Variants in ZNF318 observed in about 807,000 individuals in gnomAD.
The protein encoded by ZNF318 is endocrine regulator.
A neutral mutation model predicts 124.2 loss-of-function variants in ZNF318; 51 were observed. That is an observed-to-expected ratio of 0.41 (90% CI 0.33 to 0.52). The LOEUF (loss-of-function observed/expected upper bound fraction) is 0.52. Among genes scored for constraint, ZNF318 ranks in the 20% least tolerant of loss-of-function variants. The pLI, the probability that ZNF318 is intolerant of heterozygous loss-of-function variation, is 0.23. For synonymous variants in ZNF318, 1,090 were observed against 1,040.7 expected, an observed-to-expected ratio of 1.05 and a Z score of -0.91; for missense variants, 2,815 against 2,811.2, an observed-to-expected ratio of 1.00 and a Z score of -0.03.
In ZNF318 at chr6:43,365,317, C is replaced by A. The variant is rs941267370; in HGVS notation, c.523G>T (p.Val175Leu). 6.2e-7 allele frequency: 1 copy of A among 1,614,038 alleles called. No individual in the cohort carries two copies. The highest frequency in any genetic ancestry group is 1.7e-5 in the Admixed American group (1 of 60,008). ...CTGTCCATGTCTTCCAGATTATCCACTGGTGACCCCAGCCGATCACTAAGC... is the reference window on the plus strand; with the variant it reads ...CTGTCCATGTCTTCCAGATTATCCAATGGTGACCCCAGCCGATCACTAAGC... The part of the protein sequence containing the change: ...RRLSDRLGSP[V>L]DNLEDMDRDD... The change falls in exon 2 of 10, where the codon GTG becomes TTG. Residue 175 changes from valine (V) to leucine (L), a missense_variant. Around this residue, in one of 4 missense-constraint regions of ZNF318, gnomAD observed 1,377 missense variants for 1,353.5 expected, o/e 1.02. Coordinates refer to ENST00000361428, the MANE Select transcript of ZNF318 (RefSeq NM_014345.3).
Position 43,338,744 on chromosome 6 carries a change from T to G in ZNF318, c.5254A>C (p.Arg1752=). 3 of 1,614,202 alleles carry G rather than the reference T, an allele frequency of 1.9e-6. No individual in the cohort carries two copies. In the South Asian group the frequency reaches 3.3e-5, roughly 18 times the overall value. Residue 1752 remains arginine (R), a synonymous_variant, in exon 10 of 10, where the codon AGA becomes CGA. Transcript: ENST00000361428. ...TCCTTATCCTGGTTAACAGATTCTCTGAGGTGGATTTCTACCAACTTCTGA... is the reference window on the plus strand; with the variant it reads ...TCCTTATCCTGGTTAACAGATTCTCGGAGGTGGATTTCTACCAACTTCTGA... The part of the protein sequence containing the change: ...ESQKLVEIHL[R]ESVNQDKESQ...
At position 43,352,410 on chromosome 6, in the gene ZNF318, T is replaced by C; in HGVS notation, c.2737A>G (p.Arg913Gly). Residue 913 changes from arginine to glycine, a missense_variant, in exon 5 of 10, where the codon AGG becomes GGG. Transcript: ENST00000361428. ...TTATGAAGCCGCTCTAACTCGGTCCTAAGATAGTACATCTTCTTCTGGCGG... is the reference window on the plus strand; with the variant it reads ...TTATGAAGCCGCTCTAACTCGGTCCCAAGATAGTACATCTTCTTCTGGCGG... The part of the protein sequence containing the change: ...EARQKKMYYL[R>G]TELERLHKQQ... The C allele has an allele frequency of 6.2e-7, 1 of 1,614,188 alleles. No homozygotes were observed. The highest frequency in any genetic ancestry group is 1.1e-5 in the South Asian group (1 of 91,082).
intron 1 of ZNF318, 184 bp downstream of exon 1, chr6:43,368,783 G>C: frequency 2.0e-6 from 2 of 985,324 alleles, no homozygotes; most frequent in Non-Finnish European, 2.4e-6. Flanking sequence ...GCGCTCCCGA[G>C]TCCGTTATTG....
intron 5 of ZNF318, among the ~76,000 whole-genome samples, chr6:43,351,746 G>A (rs1420677260): frequency 6.6e-6 from 1 of 151,064 alleles, no homozygotes; most frequent in Non-Finnish European, 1.5e-5. Context: ...GGGCAACAGA[G>A]CGAGGCTCCA....
intron 2 of ZNF318, among the ~76,000 whole-genome samples, chr6:43,359,415 A>G (rs1779652214): frequency 6.6e-6 from 1 of 152,216 alleles, no homozygotes; most frequent in African/African-American, 2.4e-5. Flanking sequence ...ATGACACAAA[A>G]CTAAAGTTTC....
rs750553127 is a variant in ZNF318 at position 43,357,123 on chromosome 6, G to A, written c.1188+3C>T. 1 of 1,606,210 alleles carries A rather than the reference G, an allele frequency of 6.2e-7. No individual in the cohort carries two copies. Among genetic ancestry groups the A allele is most frequent in the South Asian group, 1.1e-5 (1 of 89,644 alleles). On this transcript the variant is annotated splice_donor_region_variant and intron_variant, in intron 3 of 9. Coordinates refer to ENST00000361428, the MANE Select transcript of ZNF318 (RefSeq NM_014345.3). ...GAGGCCCTACAAGAAATGCAGCAGA[G>A]ACCTGCATGGAGGGCTCCATTATGT...
chr6:43,340,118 T>C lies in ZNF318; in HGVS notation c.3880A>G (p.Ser1294Gly), dbSNP rs375242821. ...EEEKSSLVTP[S>G]ISKEEILESS... ...TCTAGAATCTCTTCTTTAGAGATAC[T>C]TGGGGTCACCAATGAACTTTTCTCC... The change falls in exon 10 of 10, where the codon AGT becomes GGT. Residue 1294 changes from serine to glycine, a missense_variant. Transcript: ENST00000361428. 18 of 1,614,224 alleles carry C rather than the reference T, an allele frequency of 1.1e-5. No individual in the cohort carries two copies. Among genetic ancestry groups the C allele is most frequent in the Admixed American group, 1.7e-5 (1 of 60,028 alleles).
At chr6:43,350,346 G>A (rs983993858) in intron 5 of ZNF318, among the ~76,000 whole-genome samples, 3 of 152,152 alleles carry the variant, frequency 2.0e-5, no homozygotes, top group Non-Finnish European at 4.4e-5. Context: ...GGTCCCATTG[G>A]CCAAATTTGG....
intron 2 of ZNF318, among the ~76,000 whole-genome samples, chr6:43,362,222 G>T (rs1779688815): frequency 6.6e-6 from 1 of 152,098 alleles, no homozygotes; most frequent in Admixed American, 6.5e-5. Flanking sequence ...AGCACTTTGG[G>T]AGGCCAAGGT....
chr6:43,339,497 G>A lies in ZNF318; in HGVS notation c.4501C>T (p.Pro1501Ser), dbSNP rs1779339426. The A allele has an allele frequency of 1.2e-6, 2 of 1,614,006 alleles. No individual in the cohort carries two copies. Among genetic ancestry groups the A allele is most frequent in the Non-Finnish European group, 8.5e-7 (1 of 1,180,040 alleles). The change falls in exon 10 of 10, where the codon CCT becomes TCT. Residue 1501 changes from proline to serine, a missense_variant. Physicochemically the swap from Pro to Ser is moderately conservative, Grantham distance 74. Coordinates refer to ENST00000361428, the MANE Select transcript of ZNF318 (RefSeq NM_014345.3). This position sits in a 1 kb window ranked among gnomAD's most constrained non-coding sequence, Gnocchi z 4.2. Reference sequence around the variant, plus strand: ...TGTGCTGAGGCCATGATGGCTACAGGCAACACTGGGTTCAAAATGTTAGGA... The same window carrying A: ...TGTGCTGAGGCCATGATGGCTACAGACAACACTGGGTTCAAAATGTTAGGA... ...VGPNILNPVL[P>S]VAIMASAQPA...
At chr6:43,347,825 G>A (rs1779467052) in intron 6 of ZNF318, among the ~76,000 whole-genome samples, 1 of 152,186 alleles carries the variant, frequency 6.6e-6, no homozygotes, top group Non-Finnish European at 1.5e-5. Context: ...TTATGCAAGA[G>A]AGACAGCAAA....
intron 5 of ZNF318, 59 bp from the exon 6 acceptor site, chr6:43,348,684 A>G: frequency 6.4e-7 from 1 of 1,554,904 alleles, no homozygotes; most frequent in Non-Finnish European, 8.7e-7. Context: ...GTCATTTCTC[A>G]TTTACAAGCA....
Position 43,339,862 on chromosome 6 carries a change from A to C in ZNF318, c.4136T>G (p.Ile1379Ser). ...TTTAGCAGTGGTTCCAGAGGACTTA[A>C]TAGACAGAAAGGTGTTAAGAGGAGC... ...KPAPLNTFLS[I>S]KSSGTTAKPL... Residue 1379 changes from isoleucine (I) to serine (S), a missense_variant, in exon 10 of 10, where the codon ATT (isoleucine) becomes AGT (serine). By Grantham distance (142) the Ile-to-Ser change is moderately radical. Around this residue, in one of 4 missense-constraint regions of ZNF318, gnomAD observed 500 missense variants for 605.2 expected, o/e 0.83. Coordinates refer to ENST00000361428, the MANE Select transcript of ZNF318 (RefSeq NM_014345.3). The surrounding 1 kb of genome is among the most constrained non-coding windows in gnomAD (Gnocchi z 4.2). 1 of 1,614,180 alleles carries C rather than the reference A, an allele frequency of 6.2e-7. No individual in the cohort carries two copies.
rs761292147 is a variant in ZNF318 at position 43,357,764 on chromosome 6, C to T, written c.550G>A (p.Asp184Asn). 6.3e-7 allele frequency: 1 copy of T among 1,581,378 alleles called. No individual in the cohort carries two copies. The highest frequency in any genetic ancestry group is 8.5e-7 in the Non-Finnish European group (1 of 1,172,754). Residue 184 changes from aspartate to asparagine, a missense_variant and splice_region_variant, in exon 3 of 10, where the codon GAT becomes AAT. Physicochemically the swap from Asp to Asn is conservative, Grantham distance 23. Coordinates refer to ENST00000361428, the MANE Select transcript of ZNF318 (RefSeq NM_014345.3). ...PVDNLEDMDRDDLTDDSVFTR... is the reference protein window; with the variant it reads ...PVDNLEDMDRNDLTDDSVFTR... ...AAGACAGAATCATCAGTCAGGTCAT[C>T]CCTGAGGAAAAAGAGAAGCATCATT...
intron 8 of ZNF318, 90 bp downstream of exon 8, chr6:43,342,022 G>T: frequency 1.8e-6 from 2 of 1,124,936 alleles, no homozygotes; most frequent in Non-Finnish European, 2.7e-6. Context: ...GCTGTCTCAT[G>T]CTATGCTGCT....
intron 5 of ZNF318, among the ~76,000 whole-genome samples, chr6:43,348,831 G>A (rs1022610178): frequency 6.6e-6 from 1 of 152,106 alleles, no homozygotes; most frequent in Non-Finnish European, 1.5e-5. Flanking sequence ...TCAGGTGCTC[G>A]AGACCAGCCT....
At chr6:43,352,272 A>G in intron 5 of ZNF318, 105 bp downstream of exon 5, 1 of 519,822 alleles carries the variant, frequency 1.9e-6, no homozygotes. Context: ...CGTCAAAAAA[A>G]AATTTTTAAT....
In ZNF318 at chr6:43,357,198, T is replaced by A; in HGVS notation, c.1116A>T (p.Glu372Asp). Residue 372 changes from glutamate to aspartate, a missense_variant, in exon 3 of 10, where the codon GAA becomes GAT. Physicochemically the swap from Glu to Asp is conservative, Grantham distance 45. This residue lies in a region of ZNF318 where 1,377 missense variants were observed against 1,353.5 expected (regional missense o/e 1.02). Coordinates refer to ENST00000361428, the MANE Select transcript of ZNF318 (RefSeq NM_014345.3). ...TGGATTTCTTGGGCATCACAGATACTTCCTCAGGCCGATGCAAAGAATATC... is the reference window on the plus strand; with the variant it reads ...TGGATTTCTTGGGCATCACAGATACATCCTCAGGCCGATGCAAAGAATATC... The part of the protein sequence containing the change: ...EPGYSLHRPE[E>D]VSVMPKKSIL... 1 of 1,614,180 alleles carries A rather than the reference T, an allele frequency of 6.2e-7. No individual in the cohort carries two copies. The highest frequency in any genetic ancestry group is 8.5e-7 in the Non-Finnish European group (1 of 1,180,032).
In ZNF318 at chr6:43,369,102, G is replaced by A; in HGVS notation, c.264C>T (p.Gly88=). ...VSPSPPRARR[G]SPSPPRGRRL... ...GTCGGCCCCGCGGTGGCGACGGGGA[G>A]CCGCGACGGGCCCGAGGCGGGGACG... The change falls in exon 1 of 10, where the codon GGC becomes GGT. Residue 88 remains glycine (G), a synonymous_variant. Transcript: ENST00000361428. The A allele has an allele frequency of 2.6e-5, 32 of 1,254,724 alleles. No individual in the cohort carries two copies. Among genetic ancestry groups the A allele is most frequent in the Non-Finnish European group, 3.2e-5 (32 of 1,000,148 alleles). The allele number at this position is 1,254,724 out of a possible 1,614,324, so 77.7% of individuals were successfully genotyped here.
Sources: allele counts gnomAD v4.1 joint callset (sites outside exome capture counted in the v4.1 genomes callset), GRCh38; gene constraint gnomAD v4.1.1; regional missense constraint gnomAD v4.1.1; non-coding constraint Gnocchi (gnomAD v3.1); transcripts MANE v1.5; gene names NCBI Gene and HGNC (gene_info 2026-07-23, HGNC 2026-07-21).